CRISPLD2: variants seen among roughly 807,000 people sequenced by gnomAD.
CRISPLD2 encodes the protein cysteine-rich secretory protein LCCL domain-containing 2.
CRISPLD2 carries 47 observed loss-of-function variants against 71.1 expected under a neutral mutation model. The ratio of observed to expected loss-of-function variants is 0.66; its 90% confidence interval spans 0.52 to 0.84. CRISPLD2 has a LOEUF of 0.84. CRISPLD2 is among the 40% of genes least tolerant of loss of function. CRISPLD2 has a pLI of 0.00. For synonymous variants in CRISPLD2, 317 were observed against 250.1 expected, an observed-to-expected ratio of 1.27 and a Z score of -2.52; for missense variants, 830 against 651.1, an observed-to-expected ratio of 1.27 and a Z score of -2.99.
chr16:84,870,999 A>T (rs973941090), intron 8 of CRISPLD2, among the ~76,000 whole-genome samples: 53 of 152,170 alleles, frequency 3.5e-4, no homozygotes, highest in Admixed American at 3.4e-3. Context: ...TGGAGGCTGC[A>T]ATGAGCCGAG....
rs2071558941 is a variant in CRISPLD2 at position 84,880,532 on chromosome 16, A to T, written c.1253A>T (p.Lys418Ile). ...AGAATCCATTGTCCGGCACACTGCA[A>T]AGACGAACCTTCCTACTGGGCTCCG... Reference protein sequence around the residue: ...CPRIHCPAHCKDEPSYWAPVF... With the variant: ...CPRIHCPAHCIDEPSYWAPVF... Residue 418 changes from lysine to isoleucine, a missense_variant, in exon 13 of 15, where the codon AAA (lysine) becomes ATA (isoleucine). Coordinates refer to ENST00000262424, the MANE Select transcript of CRISPLD2 (RefSeq NM_031476.4). 1.2e-6 allele frequency: 2 copies of T among 1,613,806 alleles called. No homozygotes were observed. The highest frequency in any genetic ancestry group is 4.5e-5 in the East Asian group (2 of 44,874).
chr16:84,856,356 A>C (rs756226487), intron 6 of CRISPLD2, among the ~76,000 whole-genome samples: 2 of 152,142 alleles, frequency 1.3e-5, no homozygotes, highest in Non-Finnish European at 1.5e-5. Flanking sequence ...CCCAGCCAAC[A>C]CTGTAACTCC....
intron 13 of CRISPLD2, among the ~76,000 whole-genome samples, chr16:84,883,084 A>G (rs1053286248): frequency 1.3e-5 from 2 of 152,216 alleles, no homozygotes; most frequent in Admixed American, 6.5e-5. Flanking sequence ...GAATAAATAA[A>G]TGAAGATACT....
rs755465561 is a variant in CRISPLD2, at chr16:84,902,050, C to T, written c.1440-4538C>T. ...CTGATCTCAAGTGATCTGCCGGCCT[C>T]GACCTCTCAAAGTGCTGGGATGACA... On this transcript the variant is annotated intron_variant, in intron 14 of 14. Coordinates refer to ENST00000262424, the MANE Select transcript of CRISPLD2 (RefSeq NM_031476.4). Among the ~76,000 whole-genome samples the T allele has an allele frequency of 3.3e-5, 5 of 151,712 alleles. No homozygotes were observed. In the South Asian group the frequency reaches 6.3e-4, roughly 19 times the overall value.
chr16:84,851,145 C>G (rs559887175), intron 5 of CRISPLD2, among the ~76,000 whole-genome samples: 33 of 152,240 alleles, frequency 2.2e-4, no homozygotes, highest in African/African-American at 6.5e-4. Context: ...CCAGCATGGT[C>G]TGCCCTGGCA....
chr16:84,897,923 C>T (rs1050170557), intron 14 of CRISPLD2, among the ~76,000 whole-genome samples: 4 of 152,204 alleles, frequency 2.6e-5, no homozygotes, highest in South Asian at 2.1e-4. Flanking sequence ...GGCTTAAACA[C>T]GCTTTTTAAA....
intron 1 of CRISPLD2, among the ~76,000 whole-genome samples, chr16:84,824,710 C>T (rs374621332): frequency 2.0e-5 from 3 of 152,340 alleles, no homozygotes; most frequent in South Asian, 2.1e-4. Flanking sequence ...CGTCTGTTCA[C>T]GGCACCAGTG....
chr16:84,889,375 T>A lies in CRISPLD2; in HGVS notation c.1439+12T>A, dbSNP rs187468323. ...GTTCAGTCTGAAAGGTAGGGTGGTG[T>A]TCTCCAACCCTTGACACCCAATCCC... On this transcript the variant is annotated intron_variant, in intron 14 of 14. Transcript: ENST00000262424. 2 of 1,603,850 alleles carry A rather than the reference T, an allele frequency of 1.2e-6. No individual in the cohort carries two copies. The highest frequency in any genetic ancestry group is 1.3e-5 in the African/African-American group (1 of 74,884).
At chr16:84,849,353 C>G in intron 3 of CRISPLD2, 32 bp from the exon 4 acceptor site, 3 of 1,600,462 alleles carry the variant, frequency 1.9e-6, no homozygotes, top group Non-Finnish European at 1.7e-6. Context: ...AGGGGAGGGG[C>G]TGGGACTGAG....
At chr16:84,858,871 C>A (rs151134806) in intron 6 of CRISPLD2, among the ~76,000 whole-genome samples, 3 of 152,136 alleles carry the variant, frequency 2.0e-5, no homozygotes, top group African/African-American at 7.2e-5. Context: ...AGCAATGAAA[C>A]CACATCTGGT....
At chr16:84,886,374 G>T (rs2071613449) in intron 13 of CRISPLD2, among the ~76,000 whole-genome samples, 1 of 152,178 alleles carries the variant, frequency 6.6e-6, no homozygotes, top group African/African-American at 2.4e-5. Flanking sequence ...CCCCCGGATG[G>T]GCCGAGGACA....
chr16:84,870,367 T>C (rs1424584293), intron 8 of CRISPLD2, among the ~76,000 whole-genome samples: 2 of 152,022 alleles, frequency 1.3e-5, no homozygotes, highest in Non-Finnish European at 2.9e-5. Flanking sequence ...TCACCCAGGC[T>C]GAAGTGCAGC....
rs998669538 is a variant in CRISPLD2 at position 84,835,870 on chromosome 16, T to C, written c.-74-2552T>C. Among the ~76,000 whole-genome samples, 6 of 152,178 alleles carry C rather than the reference T, an allele frequency of 3.9e-5. No homozygotes were observed. The East Asian group carries it at 1.2e-3, about 29-fold the overall frequency. ...TCAGGAGGACGTGCCAGAGGACTCA[T>C]TTAAAAACAGCATTTGACTCCTCCT... On this transcript the variant is annotated intron_variant, in intron 1 of 14. Transcript: ENST00000262424.
chr16:84,857,754 T>C (rs534710230), intron 6 of CRISPLD2, among the ~76,000 whole-genome samples: 1 of 152,190 alleles, frequency 6.6e-6, no homozygotes, highest in African/African-American at 2.4e-5. Flanking sequence ...GAACTCCCCA[T>C]GAGGCCATTG....
At chr16:84,852,550 C>T (rs537938201) in intron 5 of CRISPLD2, among the ~76,000 whole-genome samples, 1 of 152,208 alleles carries the variant, frequency 6.6e-6, no homozygotes, top group African/African-American at 2.4e-5. Context: ...CTGCATATTA[C>T]TGCGTGCTGT....
intron 1 of CRISPLD2, among the ~76,000 whole-genome samples, chr16:84,837,083 A>G (rs2143169010): frequency 6.6e-6 from 1 of 152,286 alleles, no homozygotes; most frequent in South Asian, 2.1e-4. Context: ...CCAGCACAAA[A>G]TAAGGCGCTT....
chr16:84,850,413 G>A (rs1917052610), intron 4 of CRISPLD2, among the ~76,000 whole-genome samples, 155 bp from the exon 5 acceptor site: 1 of 152,140 alleles, frequency 6.6e-6, no homozygotes, highest in African/African-American at 2.4e-5. Context: ...TTAAGAAAAT[G>A]TATGTATCTT....
intron 14 of CRISPLD2, among the ~76,000 whole-genome samples, chr16:84,903,465 G>T (rs1211121075): frequency 1.3e-5 from 2 of 152,108 alleles, no homozygotes; most frequent in African/African-American, 2.4e-5. Context: ...GGTGGCGCAT[G>T]CCTGTAATTC....
chr16:84,877,727 G>A (rs553782110), intron 12 of CRISPLD2, among the ~76,000 whole-genome samples: 5 of 152,028 alleles, frequency 3.3e-5, no homozygotes, highest in Admixed American at 1.3e-4. Flanking sequence ...GTGGGTGCCT[G>A]TAATTCCAGC....
Sources: allele counts gnomAD v4.1 joint callset (sites outside exome capture counted in the v4.1 genomes callset), GRCh38; gene constraint gnomAD v4.1.1; transcripts MANE v1.5; gene names NCBI Gene and HGNC (gene_info 2026-07-23, HGNC 2026-07-21).